CCSER1: variants seen among roughly 807,000 people sequenced by gnomAD.
CCSER1 encodes the protein serine-rich coiled-coil domain-containing protein 1.
A neutral mutation model predicts 82.0 loss-of-function variants in CCSER1; 41 were observed. The ratio of observed to expected loss-of-function variants is 0.50; its 90% CI spans 0.39 to 0.65. The LOEUF (loss-of-function observed/expected upper bound fraction) is 0.65. CCSER1 is among the 30% of genes least tolerant of loss of function. CCSER1 has a pLI of 0.00. For synonymous variants in CCSER1, 414 were observed against 383.9 expected (o/e 1.08, Z -0.92); for missense variants, 1,119 against 1,064.2 (o/e 1.05, Z -0.72).
chr4:91,007,266 CT>C (rs1738598589), intron 9 of CCSER1, among the ~76,000 whole-genome samples: 1 of 152,098 alleles, frequency 6.6e-6, no homozygotes, highest in African/African-American at 2.4e-5. Context: ...TTGTTATGTC[CT>C]TGTCTGATTT....
chr4:91,293,015 T>TTTAGACATTTAGA (rs1457566401), intron 10 of CCSER1, among the ~76,000 whole-genome samples: 7 of 152,092 alleles, frequency 4.6e-5, no homozygotes, highest in Admixed American at 3.9e-4. Flanking sequence ...ACTGATAAAT[T>TTTAGACATTTAGA]AACATTGAAT....
chr4:91,227,076 A>G (rs1283405997), intron 10 of CCSER1, among the ~76,000 whole-genome samples: 1 of 151,916 alleles, frequency 6.6e-6, no homozygotes, highest in Non-Finnish European at 1.5e-5. Flanking sequence ...ATAGCTAGTT[A>G]CCCAATAGTT....
At chr4:90,393,819 CATGCT>C (rs1751561908) in intron 3 of CCSER1, among the ~76,000 whole-genome samples, 1 of 145,598 alleles carries the variant, frequency 6.9e-6, no homozygotes, top group African/African-American at 2.5e-5. Context: ...CTCCATCGCC[CATGCT>C]GGAGTGCAGT....
At chr4:90,133,576 C>G (rs1723159389) in intron 1 of CCSER1, among the ~76,000 whole-genome samples, 1 of 152,176 alleles carries the variant, frequency 6.6e-6, no homozygotes, top group African/African-American at 2.4e-5. Context: ...GACCATAGCT[C>G]TACGTCTTTC....
intron 3 of CCSER1, among the ~76,000 whole-genome samples, chr4:90,317,913 G>A (rs1378563170): frequency 6.6e-6 from 1 of 152,126 alleles, no homozygotes; most frequent in African/African-American, 2.4e-5. Flanking sequence ...TAATCATATG[G>A]CCCAAACTAG....
chr4:91,022,408 A>G (rs1021324837), intron 9 of CCSER1, among the ~76,000 whole-genome samples: 5 of 152,124 alleles, frequency 3.3e-5, no homozygotes, highest in South Asian at 2.1e-4. Flanking sequence ...CCAGTCTACC[A>G]TTGTTGGACA....
chr4:90,522,393 T>C (rs1773244137), intron 5 of CCSER1, among the ~76,000 whole-genome samples: 1 of 152,180 alleles, frequency 6.6e-6, no homozygotes, highest in African/African-American at 2.4e-5. Flanking sequence ...TCCTCCCACA[T>C]TGTTGAACAA....
At chr4:91,201,820 C>T (rs1311702015) in intron 10 of CCSER1, among the ~76,000 whole-genome samples, 1 of 151,930 alleles carries the variant, frequency 6.6e-6, no homozygotes, top group Non-Finnish European at 1.5e-5. Flanking sequence ...TAAGCACTTT[C>T]TTTAGGATAA....
chr4:90,551,107 A>G (rs149222941), intron 5 of CCSER1, among the ~76,000 whole-genome samples: 3 of 152,292 alleles, frequency 2.0e-5, no homozygotes, highest in African/African-American at 7.2e-5. Context: ...GTTACAATTA[A>G]GTGAAATTTT....
intron 10 of CCSER1, among the ~76,000 whole-genome samples, chr4:91,353,258 T>C (rs1176626953): frequency 2.0e-5 from 3 of 152,032 alleles, no homozygotes; most frequent in Non-Finnish European, 4.4e-5. Context: ...TTTTAAGGGC[T>C]CACAACACTA....
intron 10 of CCSER1, among the ~76,000 whole-genome samples, chr4:91,099,297 G>T (rs901908381): frequency 1.3e-5 from 2 of 152,104 alleles, no homozygotes; most frequent in African/African-American, 2.4e-5. Flanking sequence ...TCAGTGGTTT[G>T]GTGCCTATAG....
intron 5 of CCSER1, among the ~76,000 whole-genome samples, chr4:90,537,179 A>T (rs1579034848): frequency 6.6e-6 from 1 of 152,166 alleles, no homozygotes; most frequent in African/African-American, 2.4e-5. Flanking sequence ...GGCTTCCTTA[A>T]GCTTTACACT....
At chr4:90,468,605 G>C (rs1763943130) in intron 5 of CCSER1, 1 of 297,762 alleles carries the variant, frequency 3.4e-6, no homozygotes, top group Non-Finnish European at 6.2e-6. Context: ...CAAGTAGGCT[G>C]ATGTACTTTA....
At chr4:91,068,745 G>T (rs1409438148) in intron 9 of CCSER1, among the ~76,000 whole-genome samples, 1 of 152,144 alleles carries the variant, frequency 6.6e-6, no homozygotes, top group Non-Finnish European at 1.5e-5. Context: ...ACTCTTAAAA[G>T]AATTGAGGGA....
intron 10 of CCSER1, among the ~76,000 whole-genome samples, chr4:91,339,189 A>G (rs1000332552): frequency 6.6e-6 from 1 of 152,162 alleles, no homozygotes; most frequent in Non-Finnish European, 1.5e-5. Context: ...AGAAGCCTTG[A>G]TGTCCTGGGA....
intron 10 of CCSER1, among the ~76,000 whole-genome samples, chr4:91,456,912 T>C (rs966119130): frequency 4.6e-5 from 7 of 152,148 alleles, no homozygotes; most frequent in South Asian, 4.1e-4. Context: ...ATTTTATTAA[T>C]TGAATTATTT....
At chr4:91,079,288 G>T (rs1271632867) in intron 9 of CCSER1, among the ~76,000 whole-genome samples, 3 of 152,270 alleles carry the variant, frequency 2.0e-5, no homozygotes, top group South Asian at 2.1e-4. Context: ...TTAAAGAAAA[G>T]AATTTTCAAC....
intron 10 of CCSER1, among the ~76,000 whole-genome samples, chr4:91,365,790 C>T (rs1304850991): frequency 6.6e-6 from 1 of 152,060 alleles, no homozygotes; most frequent in African/African-American, 2.4e-5. Context: ...CCTAAGCCTA[C>T]AACCAATAAA....
intron 5 of CCSER1, among the ~76,000 whole-genome samples, chr4:90,484,155 T>G (rs922220316): frequency 6.6e-6 from 1 of 152,234 alleles, no homozygotes; most frequent in Non-Finnish European, 1.5e-5. Flanking sequence ...TTTCTTCCAG[T>G]TGATCGCATC....
Sources: allele counts gnomAD v4.1 joint callset (sites outside exome capture counted in the v4.1 genomes callset), GRCh38; gene constraint gnomAD v4.1.1; transcripts MANE v1.5; gene names NCBI Gene and HGNC (gene_info 2026-07-23, HGNC 2026-07-21).